The following SPTAN1 variants were observed in gnomAD, a reference collection of about 807,000 sequenced individuals.
SPTAN1 encodes spectrin alpha, non-erythrocytic 1, also known as spectrin alpha chain, non-erythrocytic 1.
Under a neutral mutation model 331.3 loss-of-function variants are expected in SPTAN1, and 61 were observed. The ratio of observed to expected loss-of-function variants is 0.18; its 90% CI spans 0.15 to 0.23. The LOEUF is 0.23. Ranked by LOEUF, SPTAN1 falls within the 10% of genes least tolerant of loss-of-function variation. The probability of loss-of-function intolerance (pLI) is 1.00; values close to 1 mark genes in which losing one functional copy is unlikely to be tolerated. For synonymous variants in SPTAN1, 1,153 were observed against 1,173.9 expected (o/e 0.98, Z 0.36); for missense variants, 2,043 against 3,147.9 (o/e 0.65, Z 8.40).
At chr9:128,586,080 T>C (rs887317989) in intron 19 of SPTAN1, 115 bp downstream of exon 19, 4 of 888,982 alleles carry the variant, frequency 4.5e-6, no homozygotes, top group Non-Finnish European at 7.1e-6. Context: ...GTGATTGTTT[T>C]TTAAAATGTT....
intron 11 of SPTAN1, 68 bp downstream of exon 11, chr9:128,581,127 T>G (rs566084355): frequency 1.5e-4 from 245 of 1,604,598 alleles, no homozygotes; most frequent in Non-Finnish European, 2.0e-4. Flanking sequence ...CCTCGGGTAG[T>G]GTGCTTGTTT....
intron 3 of SPTAN1, among the ~76,000 whole-genome samples, chr9:128,570,374 G>A (rs1476951122): frequency 1.8e-5 from 2 of 113,730 alleles, no homozygotes; most frequent in African/African-American, 7.6e-5. Context: ...TTTTGCTCTT[G>A]TTGCCCAAGC....
intron 31 of SPTAN1, among the ~76,000 whole-genome samples, chr9:128,606,497 T>TGA (rs1564276847): frequency 1.5e-5 from 2 of 134,098 alleles, no homozygotes; most frequent in African/African-American, 2.8e-5. Context: ...ATTTTTTTTT[T>TGA]GGGGGGGGAA....
intron 37 of SPTAN1, 73 bp downstream of exon 37, chr9:128,609,738 GTTA>G: frequency 9.8e-7 from 1 of 1,019,486 alleles, no homozygotes; most frequent in Non-Finnish European, 1.4e-6. Flanking sequence ...GTAGATTATT[GTTA>G]TTATTGTGGT....
chr9:128,616,765 A>G (rs1233997530), intron 41 of SPTAN1, among the ~76,000 whole-genome samples: 1 of 151,792 alleles, frequency 6.6e-6, no homozygotes, highest in East Asian at 2.0e-4. Context: ...AAAAAAATAA[A>G]AAATAAAAAT....
chr9:128,617,543 T>A, intron 41 of SPTAN1, 97 bp from the exon 42 acceptor site: 1 of 1,575,110 alleles, frequency 6.3e-7, no homozygotes. Flanking sequence ...CCAGAAAGAT[T>A]AGTAGATGTC....
At chr9:128,613,663 A>AT (rs1321075116) in intron 40 of SPTAN1, among the ~76,000 whole-genome samples, 178 bp downstream of exon 40, 1 of 152,180 alleles carries the variant, frequency 6.6e-6, no homozygotes, top group Non-Finnish European at 1.5e-5. Flanking sequence ...CTCTTGAGAG[A>AT]TTTTTATTAT....
intron 1 of SPTAN1, among the ~76,000 whole-genome samples, chr9:128,560,783 G>A (rs1849226304): frequency 6.6e-6 from 1 of 151,974 alleles, no homozygotes; most frequent in African/African-American, 2.4e-5. Context: ...ACTTTGGGAG[G>A]CTGAGGTGGG....
chr9:128,614,602 A>C (rs577681658), intron 40 of SPTAN1, among the ~76,000 whole-genome samples: 18 of 147,232 alleles, frequency 1.2e-4, no homozygotes, highest in African/African-American at 3.9e-4. Context: ...AAAAAAAACA[A>C]AAAAAAAACA....
At chr9:128,626,730 G>C in intron 49 of SPTAN1, 43 bp downstream of exon 49, 2 of 1,561,610 alleles carry the variant, frequency 1.3e-6, no homozygotes, top group Non-Finnish European at 1.7e-6. Context: ...GCCTCCCAGA[G>C]CCCTCTCTGG....
At chr9:128,630,116 T>C (rs1859457771) in intron 51 of SPTAN1, 1 of 745,820 alleles carries the variant, frequency 1.3e-6, no homozygotes, top group Non-Finnish European at 2.5e-6. Flanking sequence ...GGCAGCAGCT[T>C]CCCATCTCTA....
chr9:128,631,318 G>T (rs1859688632), intron 52 of SPTAN1: 1 of 152,214 alleles, frequency 6.6e-6, no homozygotes, highest in Admixed American at 6.5e-5. Flanking sequence ...TATTAGCTGG[G>T]TGTGGTGGCA....
At chr9:128,564,570 G>A (rs1849791041) in intron 1 of SPTAN1, among the ~76,000 whole-genome samples, 2 of 105,120 alleles carry the variant, frequency 1.9e-5, no homozygotes, top group South Asian at 7.6e-4. Context: ...ATAAGGTCCT[G>A]TCTCAAAAAC....
At chr9:128,595,773 C>G (rs1299982256) in intron 24 of SPTAN1, 1 of 152,150 alleles carries the variant, frequency 6.6e-6, no homozygotes, top group Non-Finnish European at 1.5e-5. Flanking sequence ...TTTACCTATT[C>G]TGGACATTTA....
rs1271438161 is a variant in SPTAN1, at chr9:128,598,413, A to G, written c.3428A>G (p.Asn1143Ser). The G allele has an allele frequency of 1.2e-6, 2 of 1,613,188 alleles. No homozygotes were observed. Among genetic ancestry groups the G allele is most frequent in the Admixed American group, 1.7e-5 (1 of 59,960 alleles). Residue 1143 changes from asparagine to serine, a missense_variant, in exon 25 of 57, where the codon AAT becomes AGT. By Grantham distance (46) the Asn-to-Ser change is conservative. This residue lies in a region of SPTAN1 where 1,038 missense variants were observed against 1,531.5 expected (regional missense o/e 0.68). Coordinates refer to ENST00000372739, the MANE Select transcript of SPTAN1 (RefSeq NM_001130438.3). ...FDDFQKDLKA[N>S]ESRLKDINKV... The stretch of plus-strand genomic sequence containing the variant: ...TTTGCTTTAAAGGACCTGAAGGCCA[A>G]TGAGTCACGGTTGAAGGACATTAAC...
chr9:128,569,387 G>T (rs1850397284), intron 3 of SPTAN1, among the ~76,000 whole-genome samples: 1 of 152,034 alleles, frequency 6.6e-6, no homozygotes, highest in Non-Finnish European at 1.5e-5. Context: ...GCACCTATTG[G>T]TCAATGACCA....
intron 49 of SPTAN1, chr9:128,626,911 C>A: frequency 1.6e-6 from 1 of 643,782 alleles, no homozygotes; most frequent in Non-Finnish European, 2.8e-6. Flanking sequence ...ACCTCCCAGG[C>A]TCAGGTGATC....
At chr9:128,621,387 T>C (rs1589367566) in intron 45 of SPTAN1, 131 bp downstream of exon 45, 4 of 750,032 alleles carry the variant, frequency 5.3e-6, no homozygotes. Flanking sequence ...CCAGCAGCAA[T>C]TCCATTCCTG....
At position 128,599,021 on chromosome 9, in the gene SPTAN1, T is replaced by C. The variant is rs533149499; in HGVS notation, c.3543+35T>C. 1.1e-5 allele frequency: 17 copies of C among 1,605,698 alleles called. No individual in the cohort carries two copies. In the East Asian group the frequency reaches 3.3e-4, roughly 32 times the overall value. ...GGGTGCTGTGTGTGGATCTTGAACA[T>C]GAGAAGGACTTAAATCTTGGGAAGA... On this transcript the variant is annotated intron_variant, in intron 26 of 56. Transcript: ENST00000372739.
Sources: allele counts gnomAD v4.1 joint callset (sites outside exome capture counted in the v4.1 genomes callset), GRCh38; gene constraint gnomAD v4.1.1; regional missense constraint gnomAD v4.1.1; transcripts MANE v1.5; gene names NCBI Gene and HGNC (gene_info 2026-07-23, HGNC 2026-07-21).